TBC1D23: variants seen among roughly 807,000 people sequenced by gnomAD.
The protein encoded by TBC1D23 is TBC1 domain family member 23.
A neutral mutation model predicts 91.4 loss-of-function variants in TBC1D23; 55 were observed. The observed-to-expected ratio is 0.60, with a 90% CI of 0.48 to 0.75. The LOEUF is 0.75. Ranked by LOEUF, TBC1D23 falls within the 30% of genes least tolerant of loss-of-function variation. The pLI is 0.00. For synonymous variants in TBC1D23, 289 were observed against 281.0 expected (o/e 1.03, Z -0.28); for missense variants, 725 against 836.1 (o/e 0.87, Z 1.64).
At chr3:100,318,278 T>C (rs981999337) in intron 16 of TBC1D23, among the ~76,000 whole-genome samples, 4 of 152,170 alleles carry the variant, frequency 2.6e-5, no homozygotes, top group African/African-American at 9.7e-5. Flanking sequence ...TTAGAAAATA[T>C]AATTATTTTA....
intron 10 of TBC1D23, among the ~76,000 whole-genome samples, chr3:100,300,393 G>A (rs1461366400): frequency 1.3e-5 from 2 of 152,026 alleles, no homozygotes; most frequent in African/African-American, 4.8e-5. Flanking sequence ...GGCCATCTTA[G>A]CTCATCCATA....
At chr3:100,272,046 T>C (rs976297771) in intron 1 of TBC1D23, among the ~76,000 whole-genome samples, 1 of 151,972 alleles carries the variant, frequency 6.6e-6, no homozygotes. Flanking sequence ...CCACAGGGAG[T>C]ATGGGGAGGA....
At chr3:100,271,665 C>T (rs1490973733) in intron 1 of TBC1D23, among the ~76,000 whole-genome samples, 1 of 152,162 alleles carries the variant, frequency 6.6e-6, no homozygotes, top group African/African-American at 2.4e-5. Flanking sequence ...TATATTCTCT[C>T]TGGAGTCATA....
chr3:100,304,784 C>T lies in TBC1D23; in HGVS notation c.1264-62C>T, dbSNP rs115724037. ...TATTGTATTTATCAGTGTTTTAGAA[C>T]TAGCTAAAGTTTTAATTAAGTCGCA... is the stretch of plus-strand genomic sequence containing the variant. On this transcript the variant is annotated intron_variant, in intron 11 of 18. Coordinates refer to ENST00000394144, the MANE Select transcript of TBC1D23 (RefSeq NM_001199198.3). The T allele has an allele frequency of 5.4e-3, 4,450 of 817,102 alleles. 18 individuals are homozygous for T. The highest frequency in any genetic ancestry group is 6.3e-3 in the South Asian group (452 of 71,408). 50.6% of individuals were successfully genotyped at this position (817,102 alleles called of 1,614,324 possible).
intron 3 of TBC1D23, among the ~76,000 whole-genome samples, chr3:100,282,448 C>T (rs2067703337): frequency 6.6e-6 from 1 of 152,006 alleles, no homozygotes. Flanking sequence ...TGTATGCAGC[C>T]CTCAAAGGGG....
intron 1 of TBC1D23, among the ~76,000 whole-genome samples, chr3:100,264,221 C>G (rs1039410642): frequency 6.6e-6 from 1 of 152,110 alleles, no homozygotes; most frequent in Non-Finnish European, 1.5e-5. Flanking sequence ...CCAGGCTGGC[C>G]TCATACTCCT....
At chr3:100,292,001 G>T (rs997425296) in intron 5 of TBC1D23, among the ~76,000 whole-genome samples, 1 of 152,102 alleles carries the variant, frequency 6.6e-6, no homozygotes, top group Non-Finnish European at 1.5e-5. Flanking sequence ...CTAACCTCAG[G>T]TGATCTGCTC....
At chr3:100,273,108 A>G (rs1190613849) in intron 1 of TBC1D23, among the ~76,000 whole-genome samples, 1 of 152,166 alleles carries the variant, frequency 6.6e-6, no homozygotes, top group East Asian at 1.9e-4. Flanking sequence ...AGACTATCAC[A>G]TGGGGAGAAA....
At chr3:100,271,094 C>T (rs893011065) in intron 1 of TBC1D23, among the ~76,000 whole-genome samples, 3 of 151,770 alleles carry the variant, frequency 2.0e-5, no homozygotes, top group Non-Finnish European at 4.4e-5. Flanking sequence ...ATTTTTTTTC[C>T]AACCCAGAAA....
rs934283193 is a variant in TBC1D23 at position 100,320,633 on chromosome 3, A to G, written c.1824-144A>G. 3.9e-5 allele frequency: 17 copies of G among 432,794 alleles called. No homozygotes were observed. In the Admixed American group the frequency reaches 5.1e-4, roughly 13 times the overall value. The allele number at this position is 432,794 out of a possible 1,614,324, so 26.8% of individuals were successfully genotyped here. A position where few individuals can be genotyped will look rare whatever the true frequency, so the allele number is the denominator to read the frequency against. On this transcript the variant is annotated intron_variant, in intron 17 of 18. Transcript: ENST00000394144. ...GTGTTAATGTGTAGCTTACTTGTTT[A>G]TAGATTAACCTCTGTTTATATCTTT...
chr3:100,314,675 G>C (rs1326356852), intron 15 of TBC1D23, among the ~76,000 whole-genome samples: 1 of 152,184 alleles, frequency 6.6e-6, no homozygotes, highest in Non-Finnish European at 1.5e-5. Flanking sequence ...CTACATGGGA[G>C]GCTGAGGCAG....
chr3:100,288,290 T>C (rs2067761669), intron 4 of TBC1D23, among the ~76,000 whole-genome samples: 1 of 152,084 alleles, frequency 6.6e-6, no homozygotes, highest in Non-Finnish European at 1.5e-5. Flanking sequence ...ATTCATTTCA[T>C]TGACTTTTTT....
chr3:100,306,321 T>C (rs1424122122), intron 12 of TBC1D23, 116 bp from the exon 13 acceptor site: 5 of 614,340 alleles, frequency 8.1e-6, no homozygotes, highest in Admixed American at 2.9e-5. Flanking sequence ...CCTGTGATTA[T>C]TTCCTTCAGT....
At chr3:100,310,171 GAC>G (rs1705601717) in intron 13 of TBC1D23, among the ~76,000 whole-genome samples, 1 of 152,104 alleles carries the variant, frequency 6.6e-6, no homozygotes, top group African/African-American at 2.4e-5. Flanking sequence ...CTCTTATAAG[GAC>G]ACCAGTCAGA....
chr3:100,286,536 C>A (rs1357657676), intron 4 of TBC1D23, among the ~76,000 whole-genome samples: 2 of 150,842 alleles, frequency 1.3e-5, no homozygotes, highest in Admixed American at 1.3e-4. Context: ...CTCACTTTGT[C>A]ATCCAAGCTG....
chr3:100,301,969 C>T lies in TBC1D23; in HGVS notation c.1093-98C>T, dbSNP rs2148864838. On this transcript the variant is annotated intron_variant, in intron 10 of 18. Coordinates refer to ENST00000394144, the MANE Select transcript of TBC1D23 (RefSeq NM_001199198.3). ...TTTCCCCTTCATTTTCATTGTGGCT[C>T]TTTAAATATTGGGGTTTTTCCTAAA... 12 of 806,512 alleles carry T rather than the reference C, an allele frequency of 1.5e-5. No individual in the cohort carries two copies. In the South Asian group the frequency reaches 2.0e-4, roughly 13 times the overall value. 50.0% of individuals were successfully genotyped at this position (806,512 alleles called of 1,614,324 possible).
At chr3:100,304,990 G>T (rs1705493524) in intron 12 of TBC1D23, 102 bp downstream of exon 12, 3 of 657,548 alleles carry the variant, frequency 4.6e-6, no homozygotes, top group South Asian at 3.6e-5. Context: ...TTAAAGGGTA[G>T]ACTCTTCATT....
At position 100,281,805 on chromosome 3, in the gene TBC1D23, C is replaced by A. The variant is rs762634541; in HGVS notation, c.229C>A (p.Pro77Thr). The change falls in exon 3 of 19, where the codon CCA becomes ACA. Residue 77 changes from proline to threonine, a missense_variant. By Grantham distance (38) the Pro-to-Thr change is conservative (BLOSUM62 -1). Transcript: ENST00000394144. The part of the protein sequence containing the change: ...LASWDGILDL[P>T]EQNTIHKDCL... ...ATCATGGGATGGTATTTTAGACTTGCCAGAACAGAACACTATTCACAAAGA... is the reference window on the plus strand; with the variant it reads ...ATCATGGGATGGTATTTTAGACTTGACAGAACAGAACACTATTCACAAAGA... The A allele has an allele frequency of 2.5e-6, 4 of 1,612,020 alleles. No homozygotes were observed. The highest frequency in any genetic ancestry group is 2.2e-5 in the East Asian group (1 of 44,708).
chr3:100,305,836 C>T (rs1705508030), intron 12 of TBC1D23, among the ~76,000 whole-genome samples: 1 of 152,040 alleles, frequency 6.6e-6, no homozygotes. Flanking sequence ...TGTATTGGCC[C>T]TAGGCTCAGT....
Sources: gnomAD v4.1 joint callset for allele counts (sites outside exome capture counted in the v4.1 genomes callset) on GRCh38, gnomAD v4.1.1 for gene constraint, MANE v1.5 for transcripts, NCBI Gene and HGNC (gene_info 2026-07-23, HGNC 2026-07-21) for gene names.